Variants in DDX31 observed in about 807,000 individuals in gnomAD.
DDX31 encodes the protein ATP-dependent DNA helicase DDX31.
A neutral mutation model predicts 91.3 loss-of-function variants in DDX31; 70 were observed. The ratio of observed to expected loss-of-function variants is 0.77; its 90% CI spans 0.63 to 0.94. The LOEUF is 0.94. Ranked by LOEUF, DDX31 falls within the 40% of genes least tolerant of loss-of-function variation. The probability of loss-of-function intolerance (pLI) is 0.00; values close to 1 mark genes in which losing one functional copy is unlikely to be tolerated. For synonymous variants in DDX31, 362 were observed against 350.6 expected (o/e 1.03, Z -0.36); for missense variants, 902 against 925.0 (o/e 0.98, Z 0.32).
chr9:132,629,398 T>C (rs1005965959), intron 16 of DDX31, among the ~76,000 whole-genome samples: 1 of 152,166 alleles, frequency 6.6e-6, no homozygotes, highest in African/African-American at 2.4e-5. Context: ...ACTAACAACC[T>C]TGAAAGAGTT....
intron 18 of DDX31, among the ~76,000 whole-genome samples, chr9:132,618,030 A>G (rs897121845): frequency 6.6e-6 from 1 of 152,262 alleles, no homozygotes; most frequent in Non-Finnish European, 1.5e-5. Context: ...TTTTCAAAGA[A>G]AGAGGAAAAC....
chr9:132,628,925 A>T (rs1395902883), intron 16 of DDX31, among the ~76,000 whole-genome samples: 1 of 152,274 alleles, frequency 6.6e-6, no homozygotes, highest in Non-Finnish European at 1.5e-5. Flanking sequence ...AGCCACCAGC[A>T]GCATTATGAC....
At chr9:132,654,882 G>T (rs1834453977) in intron 6 of DDX31, among the ~76,000 whole-genome samples, 1 of 144,078 alleles carries the variant, frequency 6.9e-6, no homozygotes, top group South Asian at 2.2e-4. Context: ...GGAGGTGGAG[G>T]TTTCAGTGAG....
chr9:132,658,578 A>T, intron 6 of DDX31, 93 bp downstream of exon 6: 1 of 1,189,196 alleles, frequency 8.4e-7, no homozygotes, highest in Non-Finnish European at 1.2e-6. Flanking sequence ...CAGTGAAAAC[A>T]GATTCTTTTA....
intron 19 of DDX31, among the ~76,000 whole-genome samples, chr9:132,607,275 C>T (rs887465346): frequency 6.6e-6 from 1 of 152,138 alleles, no homozygotes; most frequent in African/African-American, 2.4e-5. Flanking sequence ...GTAAGAGAGC[C>T]CCAGCTTAGA....
At position 132,654,962 on chromosome 9, in the gene DDX31, A is replaced by AG. The variant is rs1554770640; in HGVS notation, c.589-2471_589-2470insC. ...CTCTGTCTCAAAAAAAAAAAAAAAA[A>AG]AAGAAGAAGAAGAAACATAAAGCAG... On this transcript the variant is annotated intron_variant, in intron 6 of 19. Coordinates refer to ENST00000372159, the MANE Select transcript of DDX31 (RefSeq NM_022779.9). Among the ~76,000 whole-genome samples, 30 of 151,740 alleles carry AG rather than the reference A, an allele frequency of 2.0e-4. No individual in the cohort carries two copies. The East Asian group carries it at 2.5e-3, about 13-fold the overall frequency.
In DDX31 at chr9:132,652,502, C is replaced by T. The variant is rs1387950653; in HGVS notation, c.589-10G>A. On this transcript the variant is annotated splice_polypyrimidine_tract_variant and intron_variant, in intron 6 of 19. Transcript: ENST00000372159. ...AGGGGCCATCACTGCGCTGTTGACA[C>T]ACAGAAAAAAAATGCCATGAGCAGG... 3.1e-6 allele frequency: 5 copies of T among 1,613,646 alleles called. No homozygotes were observed. Among genetic ancestry groups the T allele is most frequent in the Non-Finnish European group, 3.4e-6 (4 of 1,179,888 alleles).
At chr9:132,614,904 G>C (rs1831544523) in intron 18 of DDX31, among the ~76,000 whole-genome samples, 1 of 152,162 alleles carries the variant, frequency 6.6e-6, no homozygotes, top group Admixed American at 6.5e-5. Context: ...TCACATACTT[G>C]CATGGACTCC....
At chr9:132,667,333 G>A (rs932506147) in intron 1 of DDX31, among the ~76,000 whole-genome samples, 4 of 151,778 alleles carry the variant, frequency 2.6e-5, no homozygotes, top group Non-Finnish European at 5.9e-5. Context: ...GGCCTGGCTG[G>A]CTCACGCCTG....
intron 16 of DDX31, among the ~76,000 whole-genome samples, chr9:132,627,669 A>C (rs1331278956): frequency 5.9e-5 from 9 of 152,262 alleles, no homozygotes; most frequent in Non-Finnish European, 1.3e-4. Context: ...AGAATGCAGA[A>C]GCAAAGTTCT....
At chr9:132,608,711 T>C (rs950935716) in intron 19 of DDX31, among the ~76,000 whole-genome samples, 44 of 152,188 alleles carry the variant, frequency 2.9e-4, no homozygotes, top group Non-Finnish European at 5.9e-5. Context: ...TATTCACCCA[T>C]ACAAAACATA....
chr9:132,620,342 T>C (rs1168131745), intron 17 of DDX31, among the ~76,000 whole-genome samples: 4 of 151,734 alleles, frequency 2.6e-5, no homozygotes, highest in Non-Finnish European at 4.4e-5. Flanking sequence ...GATTTAGTGA[T>C]AATATGGCAA....
intron 6 of DDX31, among the ~76,000 whole-genome samples, chr9:132,656,139 A>C (rs372560126): frequency 6.6e-5 from 10 of 152,312 alleles, no homozygotes; most frequent in African/African-American, 2.2e-4. Flanking sequence ...AAGAGTGTGA[A>C]CACAGAAAAG....
Position 132,632,241 on chromosome 9 carries a change from T to TGTACACAC in DDX31, c.1441-151_1441-150insGTGTGTAC, listed in dbSNP as rs1466872933. 69 of 94,092 alleles carry TGTACACAC rather than the reference T, an allele frequency of 7.3e-4. 2 individuals carry two copies. Among genetic ancestry groups the TGTACACAC allele is most frequent in the Non-Finnish European group, 1.1e-3 (56 of 52,008 alleles). The allele number at this position is 94,092 out of a possible 1,614,324, so 5.8% of individuals were successfully genotyped here. Reference sequence around the variant, plus strand: ...CATACACGTATATGCCCAGTACGTGTACACACACACACACACACACACACA... The same window carrying TGTACACAC: ...CATACACGTATATGCCCAGTACGTGTGTACACACACACACACACACACACACACACACA... On this transcript the variant is annotated intron_variant, in intron 14 of 19. Transcript: ENST00000372159.
intron 19 of DDX31, among the ~76,000 whole-genome samples, chr9:132,599,148 T>C (rs190874101): frequency 1.3e-5 from 2 of 152,356 alleles, no homozygotes; most frequent in East Asian, 3.9e-4. Flanking sequence ...CCAAACCGAC[T>C]ACATGACATA....
chr9:132,618,510 T>C (rs1831793823), intron 17 of DDX31, 69 bp from the exon 18 acceptor site: 27 of 1,336,592 alleles, frequency 2.0e-5, no homozygotes, highest in East Asian at 2.4e-5. Context: ...CAGTTTATAA[T>C]AGATTTAATA....
At position 132,666,233 on chromosome 9, in the gene DDX31, T is replaced by C. The variant is rs12342971; in HGVS notation, c.76-3538A>G. ...ATGAATAAAATTTCCATTTTTGTAT[T>C]GGTCTGCTTCTGGGCTCTCTTTTCT... On this transcript the variant is annotated intron_variant, in intron 1 of 19. Transcript: ENST00000372159. Among the ~76,000 whole-genome samples the C allele has an allele frequency of 5.3e-3, 811 of 152,320 alleles. 10 individuals carry two copies. Among genetic ancestry groups the C allele is most frequent in the African/African-American group, 0.018 (761 of 41,568 alleles).
In DDX31 at chr9:132,607,070, T is replaced by C. The variant is rs141876816; in HGVS notation, c.1994+5017A>G. ...AGAAGGGGCGACTGGTGTGTATGAT[T>C]TCCACGAGGATGTTTATTTTAGAAA... On this transcript the variant is annotated intron_variant, in intron 19 of 19. Coordinates refer to ENST00000372159, the MANE Select transcript of DDX31 (RefSeq NM_022779.9). Among the ~76,000 whole-genome samples, 631 of 152,306 alleles carry C rather than the reference T, an allele frequency of 4.1e-3. 7 individuals carry two copies. The highest frequency in any genetic ancestry group is 0.014 in the African/African-American group (583 of 41,558).
chr9:132,634,155 C>CT (rs1832957993), intron 14 of DDX31, among the ~76,000 whole-genome samples: 1 of 152,164 alleles, frequency 6.6e-6, no homozygotes, highest in African/African-American at 2.4e-5. Context: ...ACAGAGGGAT[C>CT]TAGGGGGATT....
Sources: gnomAD v4.1 joint callset for allele counts (sites outside exome capture counted in the v4.1 genomes callset) on GRCh38, gnomAD v4.1.1 for gene constraint, MANE v1.5 for transcripts, NCBI Gene and HGNC (gene_info 2026-07-23, HGNC 2026-07-21) for gene names.